Variants in SLC49A3 observed in about 807,000 individuals in gnomAD.
SLC49A3 encodes solute carrier family 49 member A3.
Under a neutral mutation model 43.8 loss-of-function variants are expected in SLC49A3, and 50 were observed. That is an observed-to-expected ratio of 1.14 (90% confidence interval 0.91 to 1.45). The LOEUF (loss-of-function observed/expected upper bound fraction) is 1.45. SLC49A3 is among the 40% of genes most tolerant of loss of function. The pLI is 0.00. For missense variants in SLC49A3, 906 were observed against 774.1 expected, an observed-to-expected ratio of 1.17 and a Z score of -2.02; for synonymous variants, 413 against 352.0, an observed-to-expected ratio of 1.17 and a Z score of -1.94.
At chr4:682,442 TG>T in intron 9 of SLC49A3, 66 bp from the exon 10 acceptor site, 1 of 1,293,208 alleles carries the variant, frequency 7.7e-7, no homozygotes, top group Non-Finnish European at 9.9e-7. Context: ...CAGAGCCCAA[TG>T]CTGGCCTATG....
downstream of SLC49A3, chr4:679,801 C>G (rs1279604197): frequency 1.2e-6 from 1 of 866,590 alleles, no homozygotes; most frequent in Non-Finnish European, 1.8e-6. Flanking sequence ...GTCTCCTTCC[C>G]GCTCCCTCCC....
chr4:686,172 A>G lies in SLC49A3; in HGVS notation c.425T>C (p.Leu142Pro). Residue 142 changes from leucine (L) to proline (P), a missense_variant, in exon 3 of 10, where the codon CTG (leucine) becomes CCG (proline). Leu to Pro is a moderately conservative substitution (Grantham distance 98). Coordinates refer to ENST00000322224, the MANE Select transcript of SLC49A3 (RefSeq NM_032219.4). ...CAGCTTGGCTGGAGAGAAGATGACC[A>G]GGCTCTGGGCAAGGGCACAGAGGCT... ...GQSLCALAQSLVIFSPAKLAA... is the reference protein window; with the variant it reads ...GQSLCALAQSPVIFSPAKLAA... The G allele has an allele frequency of 6.2e-7, 1 of 1,613,436 alleles. No homozygotes were observed. The highest frequency in any genetic ancestry group is 8.5e-7 in the Non-Finnish European group (1 of 1,180,016).
In SLC49A3 at chr4:686,174, G is replaced by C. The variant is rs1057454110; in HGVS notation, c.423C>G (p.Ser141Arg). The stretch of plus-strand genomic sequence containing the variant: ...GCTTGGCTGGAGAGAAGATGACCAG[G>C]CTCTGGGCAAGGGCACAGAGGCTCT... ...GGQSLCALAQ[S>R]LVIFSPAKLA... Residue 141 changes from serine to arginine, a missense_variant, in exon 3 of 10, where the codon AGC (serine) becomes AGG (arginine). Transcript: ENST00000322224. The C allele has an allele frequency of 6.2e-7, 1 of 1,613,344 alleles. No individual in the cohort carries two copies. The highest frequency in any genetic ancestry group is 2.2e-5 in the East Asian group (1 of 44,898).
At chr4:688,775 G>T in intron 1 of SLC49A3, 1 of 612,708 alleles carries the variant, frequency 1.6e-6, no homozygotes, top group Non-Finnish European at 2.5e-6. Context: ...GTGACTGGCA[G>T]ATCCCCCGGG....
Position 683,623 on chromosome 4 carries a change from C to G in SLC49A3, c.979G>C (p.Val327Leu). Residue 327 changes from valine (V) to leucine (L), a missense_variant, in exon 7 of 10, where the codon GTG becomes CTG. Coordinates refer to ENST00000322224, the MANE Select transcript of SLC49A3 (RefSeq NM_032219.4). Reference protein sequence around the residue: ...IGLCLFSLACVPFALVSQLQG... With the variant: ...IGLCLFSLACLPFALVSQLQG... ...GAGACCCTCACCAGGGCAAAGGGCA[C>G]GCAGGCCAGAGAGAACAGGCACAGG... is the stretch of plus-strand genomic sequence containing the variant. 6.2e-7 allele frequency: 1 copy of G among 1,611,558 alleles called. No individual in the cohort carries two copies. Among genetic ancestry groups the G allele is most frequent in the Non-Finnish European group, 8.5e-7 (1 of 1,179,258 alleles).
downstream of SLC49A3, among the ~76,000 whole-genome samples, chr4:681,474 G>A (rs991412814): frequency 1.1e-4 from 16 of 142,578 alleles, no homozygotes; most frequent in African/African-American, 4.2e-4. Flanking sequence ...GCCCCAGCGG[G>A]CGAGACTAAT....
At chr4:678,610 G>T, downstream of SLC49A3, 2 of 1,566,590 alleles carry the variant, frequency 1.3e-6, no homozygotes, top group Middle Eastern at 1.7e-4. Context: ...GCCCTGGAGG[G>T]TTTCGTCAGC....
chr4:689,005 G>T lies in SLC49A3; in HGVS notation c.123C>A (p.Cys41Ter), dbSNP rs753420649. 12 of 1,595,788 alleles carry T rather than the reference G, an allele frequency of 7.5e-6. No homozygotes were observed. The highest frequency in any genetic ancestry group is 9.4e-6 in the Non-Finnish European group (11 of 1,173,138). Residue 41 changes from cysteine to a stop codon, truncating the protein, a stop_gained, in exon 1 of 10, where the codon TGC becomes TGA. Coordinates refer to ENST00000322224, the MANE Select transcript of SLC49A3 (RefSeq NM_032219.4). LOFTEE classifies it high-confidence loss of function. ...VFLLAISLLN[C>*]SNATLWLSFA... Reference sequence around the variant, plus strand: ...CCCCTGCCCCTACCGTGGCGTTGGAGCAGTTGAGCAGGCTGATCGCGAGCA... The same window carrying T: ...CCCCTGCCCCTACCGTGGCGTTGGATCAGTTGAGCAGGCTGATCGCGAGCA...
upstream of SLC49A3, among the ~76,000 whole-genome samples, chr4:691,154 A>G (rs1741854294): frequency 6.6e-6 from 1 of 151,694 alleles, no homozygotes; most frequent in Non-Finnish European, 1.5e-5. Context: ...GTGTGGTGAC[A>G]TGCACCTGTA....
chr4:677,822 C>T (rs982795556), downstream of SLC49A3: 15 of 768,650 alleles, frequency 2.0e-5, no homozygotes, highest in Admixed American at 4.4e-5. Context: ...GGGGGCCTTG[C>T]GGGGTGAGGC....
chr4:691,369 G>A (rs557431921), upstream of SLC49A3, among the ~76,000 whole-genome samples: 2 of 150,654 alleles, frequency 1.3e-5, no homozygotes, highest in South Asian at 4.2e-4. Flanking sequence ...CGAGGTGGGT[G>A]GATTACCTGA....
intron 6 of SLC49A3, among the ~76,000 whole-genome samples, 160 bp from the exon 7 acceptor site, chr4:683,921 G>T (rs1374459953): frequency 6.6e-6 from 1 of 152,122 alleles, no homozygotes; most frequent in Non-Finnish European, 1.5e-5. Flanking sequence ...GCGGGGTAGG[G>T]TTTCCTGCCT....
Position 683,229 on chromosome 4 carries a change from C to T in SLC49A3, c.1132G>A (p.Gly378Ser). The T allele has an allele frequency of 1.2e-6, 2 of 1,612,856 alleles. No individual in the cohort carries two copies. Among genetic ancestry groups the T allele is most frequent in the South Asian group, 1.1e-5 (1 of 91,082 alleles). Residue 378 changes from glycine to serine, a missense_variant, in exon 8 of 10, where the codon GGC becomes AGC. Physicochemically the swap from Gly to Ser is moderately conservative, Grantham distance 56. Coordinates refer to ENST00000322224, the MANE Select transcript of SLC49A3 (RefSeq NM_032219.4). ...SFPVGEGAAT[G>S]MIFVLGQAEG... ...ACTCACCCCAGCACAAAGATCATGC[C>T]TGTGGCAGCCCCCTCCCCCACGGGG...
At chr4:686,750 C>T in intron 1 of SLC49A3, 60 bp from the exon 2 acceptor site, 1 of 1,562,020 alleles carries the variant, frequency 6.4e-7, no homozygotes, top group Non-Finnish European at 8.7e-7. Context: ...CCTGCTGTGG[C>T]CCCAGCCAGC....
chr4:689,241 C>G (rs945856446), upstream of SLC49A3: 3 of 638,634 alleles, frequency 4.7e-6, no homozygotes, highest in African/African-American at 5.8e-5. Flanking sequence ...CGGGCCGGGC[C>G]ACGGGGGGCC....
Position 682,331 on chromosome 4 carries a change from A to C in SLC49A3, c.1307T>G (p.Ile436Ser). 3 of 1,349,158 alleles carry C rather than the reference A, an allele frequency of 2.2e-6. No homozygotes were observed. Among genetic ancestry groups the C allele is most frequent in the Non-Finnish European group, 2.9e-6 (3 of 1,040,262 alleles). 83.6% of individuals were successfully genotyped at this position (1,349,158 alleles called of 1,614,324 possible). A position where few individuals can be genotyped will look rare whatever the true frequency, so the allele number is the denominator to read the frequency against. The change falls in exon 10 of 10, where the codon ATC (isoleucine) becomes AGC (serine). Residue 436 changes from isoleucine to serine, a missense_variant. Coordinates refer to ENST00000322224, the MANE Select transcript of SLC49A3 (RefSeq NM_032219.4). ...MAGLCTFFSC[I>S]LAVFFHTPYR... ...TGGGGTGTGGAAGAAGACCGCCAGG[A>C]TGCAGCTGAAGAAGGTGCACAGGCC... is the stretch of plus-strand genomic sequence containing the variant.
intron 5 of SLC49A3, 56 bp from the exon 6 acceptor site, chr4:684,655 GCCT>G (rs1560170604): frequency 1.9e-6 from 3 of 1,607,812 alleles, no homozygotes; most frequent in South Asian, 1.1e-5. Flanking sequence ...CAAACCCATC[GCCT>G]CCTCAGCCTC....
rs1356481164 is a variant in SLC49A3, at chr4:686,541, G to A, written c.285C>T (p.Leu95=). The A allele has an allele frequency of 4.3e-6, 7 of 1,612,508 alleles. No individual in the cohort carries two copies. Among genetic ancestry groups the A allele is most frequent in the Admixed American group, 1.7e-5 (1 of 60,024 alleles). Residue 95 remains leucine, a synonymous_variant, in exon 2 of 10, where the codon CTC becomes CTT. Coordinates refer to ENST00000322224, the MANE Select transcript of SLC49A3 (RefSeq NM_032219.4). Reference sequence around the variant, plus strand: ...GTGGGGTCTGACTCACCGCCGCACGGAGCCCGACGGAGTCCAGGATCCAGA... The same window carrying A: ...GTGGGGTCTGACTCACCGCCGCACGAAGCCCGACGGAGTCCAGGATCCAGA... ...AAIWILDSVG[L]RAATILGAWL... is the part of the protein sequence containing the mutation.
intron 1 of SLC49A3, 143 bp from the exon 2 acceptor site, chr4:686,833 C>A: frequency 9.0e-7 from 1 of 1,113,250 alleles, no homozygotes; most frequent in East Asian, 2.6e-5. Context: ...GGCCTTCCTG[C>A]CCAAGGAGAG....
Sources: gnomAD v4.1 joint callset for allele counts (sites outside exome capture counted in the v4.1 genomes callset) on GRCh38, gnomAD v4.1.1 for gene constraint, MANE v1.5 for transcripts, NCBI Gene and HGNC (gene_info 2026-07-23, HGNC 2026-07-21) for gene names.